Variants in EXTL3 observed in about 807,000 individuals in gnomAD.
EXTL3 encodes exostosin-like 3.
EXTL3 carries 27 observed loss-of-function variants against 69.3 expected under a neutral mutation model. That is an observed-to-expected ratio of 0.39 (90% confidence interval 0.29 to 0.54). EXTL3 has a LOEUF of 0.54. EXTL3 is among the 20% of genes least tolerant of loss of function. The probability of loss-of-function intolerance (pLI) is 0.69; values close to 1 mark genes in which losing one functional copy is unlikely to be tolerated. For missense variants in EXTL3, 1,003 were observed against 1,231.8 expected, an observed-to-expected ratio of 0.81 and a Z score of 2.78; for synonymous variants, 511 against 499.4, an observed-to-expected ratio of 1.02 and a Z score of -0.31.
chr8:28,609,804 C>T (rs1049849991), intron 2 of EXTL3, among the ~76,000 whole-genome samples: 2 of 150,964 alleles, frequency 1.3e-5, no homozygotes, highest in Non-Finnish European at 2.9e-5. Context: ...GTGGGAGGTT[C>T]GCTTGAGCCC....
chr8:28,675,683 TAA>T (rs1807369780), intron 1 of EXTL3, among the ~76,000 whole-genome samples: 1 of 152,174 alleles, frequency 6.6e-6, no homozygotes, highest in Admixed American at 6.5e-5. Flanking sequence ...ATGGGCTCAC[TAA>T]GCAGGGATTC....
At chr8:28,695,766 A>C (rs1049425187) in intron 1 of EXTL3, among the ~76,000 whole-genome samples, 2 of 152,114 alleles carry the variant, frequency 1.3e-5, no homozygotes, top group African/African-American at 4.8e-5. Context: ...GCTCCTTCCA[A>C]AGGCTCCAGT....
At chr8:28,685,416 C>T (rs1433217555) in intron 1 of EXTL3, among the ~76,000 whole-genome samples, 1 of 151,826 alleles carries the variant, frequency 6.6e-6, no homozygotes, top group Non-Finnish European at 1.5e-5. Context: ...TCCCCTTCTC[C>T]CTCTTCCTCC....
chr8:28,675,386 T>G (rs1489400076), intron 1 of EXTL3, among the ~76,000 whole-genome samples: 13 of 152,246 alleles, frequency 8.5e-5, no homozygotes, highest in Admixed American at 3.3e-4. Flanking sequence ...TCATGTATCA[T>G]GACCTCTGTG....
chr8:28,670,394 G>A (rs1807267451), intron 1 of EXTL3, among the ~76,000 whole-genome samples: 1 of 152,086 alleles, frequency 6.6e-6, no homozygotes, highest in South Asian at 2.1e-4. Flanking sequence ...TAAAGATTTA[G>A]TATAGAATTG....
chr8:28,717,763 T>A lies in EXTL3; in HGVS notation c.1704T>A (p.Ala568=). ...GKAAGTDPNM[A]DNGDLDLGPV... is the part of the protein sequence containing the mutation. ...CGGCTGGAACTGACCCCAACATGGC[T>A]GACAACGGGGACCTGGACCTGGGGC... The change falls in exon 3 of 7, where the codon GCT becomes GCA. Residue 568 remains alanine, a synonymous_variant. Transcript: ENST00000220562. This position sits in a 1 kb window ranked among gnomAD's most constrained non-coding sequence, Gnocchi z 8.3. 1.2e-6 allele frequency: 2 copies of A among 1,614,082 alleles called. No individual in the cohort carries two copies. The highest frequency in any genetic ancestry group is 1.7e-6 in the Non-Finnish European group (2 of 1,179,906).
At chr8:28,726,355 C>G (rs1801412597) in intron 3 of EXTL3, among the ~76,000 whole-genome samples, 1 of 152,192 alleles carries the variant, frequency 6.6e-6, no homozygotes. Context: ...AGCACTGCAG[C>G]TTTGAAGCAA....
In EXTL3 at chr8:28,687,741, A is replaced by C. The variant is rs1807600958; in HGVS notation, c.-52-25716A>C. Among the ~76,000 whole-genome samples the C allele has an allele frequency of 2.6e-5, 4 of 152,284 alleles. No individual in the cohort carries two copies. In the South Asian group the frequency reaches 8.3e-4, roughly 32 times the overall value. On this transcript the variant is annotated intron_variant, in intron 1 of 6. Transcript: ENST00000523149. ...CACACAAGCATTTAAGGGATGGTGGAGAATTAAGACTTAATGAAAGAAAAG... is the reference window on the plus strand; with the variant it reads ...CACACAAGCATTTAAGGGATGGTGGCGAATTAAGACTTAATGAAAGAAAAG...
intron 1 of EXTL3, among the ~76,000 whole-genome samples, chr8:28,686,822 T>C (rs936735629): frequency 6.6e-6 from 1 of 152,234 alleles, no homozygotes; most frequent in Admixed American, 6.5e-5. Flanking sequence ...GAGTGCTTAC[T>C]GTGTGCCAGC....
At chr8:28,675,319 G>A (rs564371086) in intron 1 of EXTL3, among the ~76,000 whole-genome samples, 8 of 152,208 alleles carry the variant, frequency 5.3e-5, no homozygotes, top group Admixed American at 1.3e-4. Context: ...CATGCATGTC[G>A]AAACTCATCG....
intron 1 of EXTL3, among the ~76,000 whole-genome samples, chr8:28,648,547 C>G (rs1806869883): frequency 6.6e-6 from 1 of 152,178 alleles, no homozygotes. Flanking sequence ...TGCCTTTTGG[C>G]TCCAGATCCT....
chr8:28,635,189 G>C (rs73669843), intron 1 of EXTL3, among the ~76,000 whole-genome samples: 1 of 151,988 alleles, frequency 6.6e-6, no homozygotes, highest in African/African-American at 2.4e-5. Flanking sequence ...CAACGTTCCT[G>C]CCTGGGCTTT....
intron 3 of EXTL3, among the ~76,000 whole-genome samples, chr8:28,729,482 G>A (rs1196308569): frequency 2.0e-5 from 3 of 148,862 alleles, no homozygotes; most frequent in East Asian, 2.0e-4. Context: ...TGTAATCCCA[G>A]CTACTTGGGA....
At chr8:28,665,882 C>A (rs1369172745) in intron 1 of EXTL3, among the ~76,000 whole-genome samples, 2 of 152,228 alleles carry the variant, frequency 1.3e-5, no homozygotes, top group Non-Finnish European at 2.9e-5. Flanking sequence ...CCAACTCTCC[C>A]AGCTTTAATG....
At chr8:28,700,972 T>C (rs1800773264), upstream of EXTL3, 1 of 152,300 alleles carries the variant, frequency 6.6e-6, no homozygotes, top group Admixed American at 6.5e-5. Context: ...GATTAACCTG[T>C]TGTTTTTGCA....
chr8:28,742,844 AGAT>A (rs770579993), intron 5 of EXTL3: 22 of 514,814 alleles, frequency 4.3e-5, no homozygotes, highest in Non-Finnish European at 6.4e-5. Context: ...GGTACCAGGG[AGAT>A]GATATGACAT....
rs149185560 is a variant in EXTL3, at chr8:28,647,563, C to A, written c.-53+24753C>A. On this transcript the variant is annotated intron_variant, in intron 1 of 6. Coordinates refer to the EXTL3 transcript ENST00000523149. ...AAGTTCAGGAGACAAGCCAGTGGAG[C>A]AGATGGTATTCAAACCCAGGCTGTC... Among the ~76,000 whole-genome samples the A allele has an allele frequency of 2.6e-5, 4 of 152,134 alleles. No individual in the cohort carries two copies. The East Asian group carries it at 7.8e-4, about 29-fold the overall frequency.
intron 1 of EXTL3, among the ~76,000 whole-genome samples, chr8:28,652,723 T>C (rs1563436663): frequency 6.6e-6 from 1 of 152,158 alleles, no homozygotes; most frequent in African/African-American, 2.4e-5. Context: ...TGTGAAATGC[T>C]ATCTCATTAT....
chr8:28,685,426 C>T (rs976393025), intron 1 of EXTL3, among the ~76,000 whole-genome samples: 3 of 151,206 alleles, frequency 2.0e-5, no homozygotes, highest in African/African-American at 7.3e-5. Context: ...CCTCTTCCTC[C>T]TTTCCTTCCT....
Sources: gnomAD v4.1 joint callset for allele counts (sites outside exome capture counted in the v4.1 genomes callset) on GRCh38, gnomAD v4.1.1 for gene constraint, Gnocchi (gnomAD v3.1) non-coding constraint, MANE v1.5 for transcripts, NCBI Gene and HGNC (gene_info 2026-07-23, HGNC 2026-07-21) for gene names.